The following UNC13B variants were observed in gnomAD, a reference collection of about 807,000 sequenced individuals.
UNC13B encodes protein unc-13 homolog B.
Under a neutral mutation model 211.0 loss-of-function variants are expected in UNC13B, and 144 were observed. The ratio of observed to expected loss-of-function variants is 0.68; its 90% confidence interval spans 0.60 to 0.78. The LOEUF (loss-of-function observed/expected upper bound fraction) is 0.78. Ranked by LOEUF, UNC13B falls within the 30% of genes least tolerant of loss-of-function variation. The pLI is 0.00. For missense variants in UNC13B, 1,777 were observed against 2,002.0 expected (o/e 0.89, Z 2.14); for synonymous variants, 709 against 725.8 (o/e 0.98, Z 0.37).
chr9:35,396,708 G>A (rs2132348497), intron 27 of UNC13B, 106 bp downstream of exon 27: 2 of 1,596,126 alleles, frequency 1.3e-6, no homozygotes, highest in Middle Eastern at 3.6e-4. Flanking sequence ...TGCCTGTTCA[G>A]GTACCACCGT....
Position 35,375,012 on chromosome 9 carries a change from A to G in UNC13B, c.9541-115A>G, listed in dbSNP as rs1374654408. 3 of 1,050,576 alleles carry G rather than the reference A, an allele frequency of 2.9e-6. No individual in the cohort carries two copies. The African/African-American group carries it at 4.7e-5, about 16-fold the overall frequency. The allele number at this position is 1,050,576 out of a possible 1,614,324, so 65.1% of individuals were successfully genotyped here. On this transcript the variant is annotated intron_variant, in intron 13 of 39. Transcript: ENST00000635942. ...GCGGTTGCTGTGAGTGACAATAAAA[A>G]TAGAAAGTACTGTAGTAAGCTATAG...
chr9:35,266,376 T>C (rs1827576087), intron 7 of UNC13B, among the ~76,000 whole-genome samples: 1 of 152,204 alleles, frequency 6.6e-6, no homozygotes, highest in Admixed American at 6.5e-5. Context: ...ATCACTGGGC[T>C]ACTGCTCTAA....
chr9:35,351,170 C>A, intron 11 of UNC13B: 1 of 421,586 alleles, frequency 2.4e-6, no homozygotes, highest in Non-Finnish European at 3.2e-6. Flanking sequence ...GGTTGGGAGG[C>A]AGGTCAGGGT....
intron 20 of UNC13B, among the ~76,000 whole-genome samples, chr9:35,382,066 C>G (rs1278798629): frequency 6.6e-6 from 1 of 152,080 alleles, no homozygotes; most frequent in Non-Finnish European, 1.5e-5. Context: ...ACCGGTCTGG[C>G]CTAGACTGGC....
intron 11 of UNC13B, among the ~76,000 whole-genome samples, chr9:35,319,234 C>G (rs1830611119): frequency 6.6e-6 from 1 of 151,514 alleles, no homozygotes; most frequent in African/African-American, 2.4e-5. Flanking sequence ...AAACCCTCAT[C>G]CTTACCAAAA....
intron 1 of UNC13B, among the ~76,000 whole-genome samples, chr9:35,196,793 C>T (rs1587348655): frequency 6.6e-6 from 1 of 152,188 alleles, no homozygotes; most frequent in East Asian, 1.9e-4. Flanking sequence ...TTTTTTGAGG[C>T]ATGGTCTTGC....
intron 6 of UNC13B, among the ~76,000 whole-genome samples, chr9:35,253,880 A>T (rs1826662154): frequency 6.6e-6 from 1 of 152,194 alleles, no homozygotes; most frequent in South Asian, 2.1e-4. Context: ...GATATTACTA[A>T]ATTGCTTTCT....
intron 37 of UNC13B, 150 bp downstream of exon 37, chr9:35,400,593 C>T (rs952079275): frequency 4.6e-6 from 4 of 866,868 alleles, no homozygotes; most frequent in Non-Finnish European, 6.8e-6. Context: ...GATGGGACCT[C>T]AGTACTTACC....
At chr9:35,163,167 C>T (rs930003283) in intron 1 of UNC13B, among the ~76,000 whole-genome samples, 3 of 152,112 alleles carry the variant, frequency 2.0e-5, no homozygotes, top group African/African-American at 7.2e-5. Context: ...TTTGGATTAG[C>T]CATTGAATTT....
At chr9:35,164,460 T>C (rs887261373) in intron 1 of UNC13B, among the ~76,000 whole-genome samples, 1 of 152,218 alleles carries the variant, frequency 6.6e-6, no homozygotes, top group Non-Finnish European at 1.5e-5. Context: ...AAACTTCCTA[T>C]GCAGAGTTCA....
chr9:35,224,034 C>G, intron 1 of UNC13B, among the ~76,000 whole-genome samples: 1 of 152,128 alleles, frequency 6.6e-6, no homozygotes. Flanking sequence ...CCAGTAGTAA[C>G]CTGCTTTGGT....
rs201278536 is a variant in UNC13B, at chr9:35,229,389, C to G, written c.52+1345C>G. ...GGCTCTTTTTTTCTGAGAATCTGCT[C>G]TGTTGTTTCTCTCCCAGCTGGTTTT... is the stretch of plus-strand genomic sequence containing the variant. On this transcript the variant is annotated intron_variant, in intron 2 of 39. Transcript: ENST00000635942. Among the ~76,000 whole-genome samples the G allele has an allele frequency of 1.1e-4, 16 of 152,278 alleles. No homozygotes were observed. In the East Asian group the frequency reaches 3.1e-3, roughly 29 times the overall value.
chr9:35,188,923 C>T (rs1216215314), intron 1 of UNC13B, among the ~76,000 whole-genome samples: 1 of 152,154 alleles, frequency 6.6e-6, no homozygotes, highest in Non-Finnish European at 1.5e-5. Context: ...CCTTTTATAA[C>T]CCTTTTTACT....
chr9:35,385,883 A>C (rs1456109725), intron 23 of UNC13B, 70 bp downstream of exon 23: 2 of 1,550,688 alleles, frequency 1.3e-6, no homozygotes, highest in East Asian at 4.5e-5. Flanking sequence ...AAGAATGAGA[A>C]TCATTGGGCA....
At chr9:35,205,111 C>T (rs2131393258) in intron 1 of UNC13B, among the ~76,000 whole-genome samples, 1 of 152,182 alleles carries the variant, frequency 6.6e-6, no homozygotes, top group South Asian at 2.1e-4. Context: ...TGTATAGCAC[C>T]TCACCCCTCA....
At chr9:35,352,565 G>C in intron 11 of UNC13B, 2 of 1,232,140 alleles carry the variant, frequency 1.6e-6, no homozygotes, top group Non-Finnish European at 2.0e-6. Context: ...GGAAACAGGG[G>C]ACAGGGGACC....
At chr9:35,256,638 A>AT (rs1475252007) in intron 6 of UNC13B, among the ~76,000 whole-genome samples, 3 of 152,104 alleles carry the variant, frequency 2.0e-5, no homozygotes, top group Non-Finnish European at 4.4e-5. Context: ...ATATGAGTAG[A>AT]TTTTCAGATA....
chr9:35,269,408 T>C (rs745547143), intron 7 of UNC13B, among the ~76,000 whole-genome samples: 1 of 152,254 alleles, frequency 6.6e-6, no homozygotes, highest in African/African-American at 2.4e-5. Context: ...CTACTCTCCC[T>C]GTGGGTGCAT....
intron 1 of UNC13B, among the ~76,000 whole-genome samples, chr9:35,183,357 C>A (rs1403228156): frequency 7.3e-6 from 1 of 136,788 alleles, no homozygotes; most frequent in Non-Finnish European, 1.6e-5. Context: ...CCAGGCGGGG[C>A]GGCCGGGCAG....
Sources: gnomAD v4.1 joint callset for allele counts (sites outside exome capture counted in the v4.1 genomes callset) on GRCh38, gnomAD v4.1.1 for gene constraint, MANE v1.5 for transcripts, NCBI Gene and HGNC (gene_info 2026-07-23, HGNC 2026-07-21) for gene names.